The following RBBP6 variants were observed in gnomAD, a reference collection of about 807,000 sequenced individuals.
RBBP6 encodes RB binding protein 6, ubiquitin ligase.
Under a neutral mutation model 167.7 loss-of-function variants are expected in RBBP6, and 25 were observed. The observed-to-expected ratio is 0.15, with a 90% CI of 0.11 to 0.21. The LOEUF (loss-of-function observed/expected upper bound fraction) is 0.21, where lower values mean the gene tolerates loss of function less well. Ranked by LOEUF, RBBP6 falls within the 10% of genes least tolerant of loss-of-function variation. The pLI is 1.00. For synonymous variants in RBBP6, 789 were observed against 735.8 expected (o/e 1.07, Z -1.17); for missense variants, 1,868 against 2,134.2 (o/e 0.88, Z 2.46).
Position 24,564,857 on chromosome 16 carries a change from C to T in RBBP6, c.1581C>T (p.Ser527=), listed in dbSNP as rs748710505. 3.7e-6 allele frequency: 6 copies of T among 1,612,716 alleles called. No homozygotes were observed. In the South Asian group the frequency reaches 6.6e-5, roughly 18 times the overall value. Residue 527 remains serine, a synonymous_variant, in exon 14 of 18, where the codon AGC becomes AGT. Transcript: ENST00000319715. ...PPQQIRRGER[S]CYRSINRGRH... ...AACAAATTAGAAGAGGGGAGAGGAG[C>T]TGCTACAGGTAGGCATGCTAAAAAT...
intron 1 of RBBP6, among the ~76,000 whole-genome samples, chr16:24,545,929 A>G (rs1447687563): frequency 2.0e-5 from 3 of 152,224 alleles, no homozygotes; most frequent in East Asian, 1.9e-4. Flanking sequence ...GAGTTCCACA[A>G]AAGTAGAAGT....
chr16:24,555,804 T>A lies in RBBP6; in HGVS notation c.438-17T>A, dbSNP rs371113443. 38 of 1,593,186 alleles carry A rather than the reference T, an allele frequency of 2.4e-5. No individual in the cohort carries two copies. In the African/African-American group the frequency reaches 4.3e-4, roughly 18 times the overall value. Reference sequence around the variant, plus strand: ...TCAAAGTCCTCGTATACATGTAATTTTTTTTCCCCCTTTTAGTTACATGAA... The same window carrying A: ...TCAAAGTCCTCGTATACATGTAATTATTTTTCCCCCTTTTAGTTACATGAA... On this transcript the variant is annotated splice_polypyrimidine_tract_variant and intron_variant, in intron 5 of 17. Transcript: ENST00000319715.
At chr16:24,557,202 G>T (rs1338403785) in intron 7 of RBBP6, among the ~76,000 whole-genome samples, 1 of 151,836 alleles carries the variant, frequency 6.6e-6, no homozygotes, top group African/African-American at 2.4e-5. Context: ...GAGTTTCACC[G>T]TGTTAGCCTG....
intron 10 of RBBP6, 28 bp downstream of exon 10, chr16:24,562,189 A>G: frequency 6.5e-7 from 1 of 1,543,464 alleles, no homozygotes; most frequent in South Asian, 1.1e-5. Flanking sequence ...TCACTGTTAG[A>G]AACCAAATGA....
At chr16:24,548,537 A>G (rs747544169) in intron 2 of RBBP6, among the ~76,000 whole-genome samples, 4 of 152,176 alleles carry the variant, frequency 2.6e-5, no homozygotes, top group Non-Finnish European at 4.4e-5. Context: ...TTCAAATTAC[A>G]AATGTTAACA....
At chr16:24,546,573 G>A (rs1898658533) in intron 2 of RBBP6, among the ~76,000 whole-genome samples, 1 of 151,922 alleles carries the variant, frequency 6.6e-6, no homozygotes, top group Admixed American at 6.6e-5. Context: ...TTTTTTGTGG[G>A]GGTTCCTTCA....
chr16:24,568,694 T>C, intron 16 of RBBP6, 51 bp from the exon 17 acceptor site: 1 of 1,539,586 alleles, frequency 6.5e-7, no homozygotes, highest in Admixed American at 2.0e-5. Flanking sequence ...GTCTGTGTTT[T>C]ATTTTGTATG....
At chr16:24,561,002 C>G (rs1158873434) in intron 8 of RBBP6, among the ~76,000 whole-genome samples, 4 of 151,832 alleles carry the variant, frequency 2.6e-5, no homozygotes, top group Admixed American at 1.3e-4. Context: ...TAACATACCA[C>G]TTGGTATTAC....
intron 7 of RBBP6, chr16:24,558,399 C>G: frequency 2.1e-4 from 56 of 262,060 alleles, no homozygotes; most frequent in Non-Finnish European, 2.5e-4. Flanking sequence ...TTTTTTTTTT[C>G]TTTTTTCTCT....
chr16:24,543,468 T>A (rs935186514), intron 1 of RBBP6, among the ~76,000 whole-genome samples: 24 of 151,982 alleles, frequency 1.6e-4, no homozygotes, highest in South Asian at 2.1e-4. Flanking sequence ...AATTTTTTTT[T>A]ATTTTATTTT....
chr16:24,545,727 A>G (rs1172236018), intron 1 of RBBP6, among the ~76,000 whole-genome samples: 1 of 152,182 alleles, frequency 6.6e-6, no homozygotes, highest in Admixed American at 6.5e-5. Context: ...CTCTTTATTC[A>G]TAACGTCATA....
intron 4 of RBBP6, chr16:24,555,410 AC>A: frequency 2.1e-6 from 1 of 470,994 alleles, no homozygotes; most frequent in Non-Finnish European, 3.8e-6. Context: ...CCCCAGAATG[AC>A]TTTCTTCAGC....
intron 13 of RBBP6, among the ~76,000 whole-genome samples, chr16:24,564,149 A>G (rs1218405248): frequency 6.6e-6 from 1 of 152,234 alleles, no homozygotes; most frequent in Non-Finnish European, 1.5e-5. Context: ...TAAAATACAA[A>G]GAACTTTGAT....
At position 24,568,850 on chromosome 16, in the gene RBBP6, C is replaced by T. The variant is rs888892738; in HGVS notation, c.2160C>T (p.Ser720=). Residue 720 remains serine (S), a synonymous_variant, in exon 17 of 18, where the codon AGC becomes AGT. Transcript: ENST00000319715. ...TRSRSYSRSF[S]RSHSRSYSRS... The stretch of plus-strand genomic sequence containing the variant: ...CACGCTCTTATTCTCGATCATTCAG[C>T]CGCTCACATTCTCGTTCCTATTCAC... 6 of 1,614,092 alleles carry T rather than the reference C, an allele frequency of 3.7e-6. No individual in the cohort carries two copies. The highest frequency in any genetic ancestry group is 5.1e-6 in the Non-Finnish European group (6 of 1,180,026).
At chr16:24,552,680 C>T (rs1415167208) in intron 3 of RBBP6, among the ~76,000 whole-genome samples, 1 of 151,832 alleles carries the variant, frequency 6.6e-6, no homozygotes, top group Non-Finnish European at 1.5e-5. Context: ...TGACTCCATA[C>T]ATCTTTTACA....
At chr16:24,561,774 A>G in intron 9 of RBBP6, 50 bp from the exon 10 acceptor site, 1 of 1,606,118 alleles carries the variant, frequency 6.2e-7, no homozygotes, top group Non-Finnish European at 8.5e-7. Flanking sequence ...ACTGTACTTC[A>G]GTGAATACTG....
chr16:24,556,192 C>A, intron 6 of RBBP6, 116 bp from the exon 7 acceptor site: 1 of 838,028 alleles, frequency 1.2e-6, no homozygotes, highest in Non-Finnish European at 1.9e-6. Flanking sequence ...TAAATGAGAT[C>A]ACATATGTAA....
intron 10 of RBBP6, among the ~76,000 whole-genome samples, chr16:24,562,728 C>T (rs1899096325): frequency 6.7e-6 from 1 of 150,178 alleles, no homozygotes; most frequent in African/African-American, 2.4e-5. Flanking sequence ...TTCAGACACA[C>T]TGAAGCAAAA....
At chr16:24,547,932 A>G (rs1177054920) in intron 2 of RBBP6, among the ~76,000 whole-genome samples, 3 of 152,214 alleles carry the variant, frequency 2.0e-5, no homozygotes, top group Admixed American at 6.5e-5. Flanking sequence ...ACACAGAATT[A>G]TATGTTAATG....
Sources: allele counts gnomAD v4.1 joint callset (sites outside exome capture counted in the v4.1 genomes callset), GRCh38; gene constraint gnomAD v4.1.1; transcripts MANE v1.5; gene names NCBI Gene and HGNC (gene_info 2026-07-23, HGNC 2026-07-21).